The following OTOGL variants were observed in gnomAD, a reference collection of about 807,000 sequenced individuals.
OTOGL encodes otogelin-like protein.
In OTOGL, 285 loss-of-function variants were observed where a neutral mutation model predicts 318.5. The observed-to-expected ratio is 0.89, with a 90% CI of 0.81 to 0.99. The LOEUF is 0.99. Among genes scored for constraint, OTOGL ranks in the 50% least tolerant of loss-of-function variants. OTOGL has a pLI of 0.00. For missense variants in OTOGL, 2,899 were observed against 2,845.6 expected, an observed-to-expected ratio of 1.02 and a Z score of -0.43; for synonymous variants, 987 against 936.5, an observed-to-expected ratio of 1.05 and a Z score of -0.99.
intron 1 of OTOGL, among the ~76,000 whole-genome samples, chr12:80,171,107 T>A (rs1049088166): frequency 1.3e-5 from 2 of 151,904 alleles, no homozygotes; most frequent in Admixed American, 1.3e-4. Flanking sequence ...CAGAATCTCA[T>A]CCTGTTGCCC....
chr12:80,327,958 CAAAAAA>C (rs397687373), intron 35 of OTOGL, among the ~76,000 whole-genome samples: 3 of 30,924 alleles, frequency 9.7e-5, no homozygotes, highest in African/African-American at 1.9e-4. Flanking sequence ...GACTCTGTCT[CAAAAAA>C]AAAAAAAAAA....
rs751114922 is a variant in OTOGL at position 80,339,242 on chromosome 12, A to G, written c.5028A>G (p.Ser1676=). Residue 1676 remains serine, a synonymous_variant, in exon 43 of 59, where the codon TCA becomes TCG. Transcript: ENST00000547103. ...DIHFGFRFNL[S]SYTEGLCGIC... ...ATTTTGGCTTCCGATTTAACTTGTC[A>G]TCCTACACAGAAGGACTCTGTGGTG... 5.6e-6 allele frequency: 9 copies of G among 1,603,134 alleles called. No individual in the cohort carries two copies. Among genetic ancestry groups the G allele is most frequent in the South Asian group, 3.3e-5 (3 of 90,802 alleles).
intron 6 of OTOGL, among the ~76,000 whole-genome samples, chr12:80,221,268 CT>C (rs5799457): frequency 1.5e-3 from 211 of 136,992 alleles, no homozygotes; most frequent in Admixed American, 1.8e-3. Flanking sequence ...TCCAGCATAC[CT>C]TTTTTTTTTT....
At chr12:80,294,103 T>C (rs1157985609) in intron 26 of OTOGL, among the ~76,000 whole-genome samples, 1 of 152,154 alleles carries the variant, frequency 6.6e-6, no homozygotes, top group East Asian at 1.9e-4. Flanking sequence ...TTGACCTTTT[T>C]CCTCCAGCTT....
At chr12:80,248,371 A>T in intron 11 of OTOGL, among the ~76,000 whole-genome samples, 1 of 136,918 alleles carries the variant, frequency 7.3e-6, no homozygotes, top group African/African-American at 3.0e-5. Context: ...TGGTGACAAA[A>T]TCTCTCAGCA....
At chr12:80,315,127 G>T (rs747770411) in intron 32 of OTOGL, among the ~76,000 whole-genome samples, 14 of 152,184 alleles carry the variant, frequency 9.2e-5, no homozygotes, top group Admixed American at 5.2e-4. Context: ...CAAAGTTTCA[G>T]CTAGGTAGGA....
Position 80,342,173 on chromosome 12 carries a change from A to G in OTOGL, c.5265+11A>G, listed in dbSNP as rs546770363. 3.9e-6 allele frequency: 6 copies of G among 1,528,248 alleles called. No individual in the cohort carries two copies. Among genetic ancestry groups the G allele is most frequent in the East Asian group, 2.4e-5 (1 of 42,222 alleles). The allele number at this position is 1,528,248 out of a possible 1,614,324, so 94.7% of individuals were successfully genotyped here. A position where few individuals can be genotyped will look rare whatever the true frequency, so the allele number is the denominator to read the frequency against. On this transcript the variant is annotated intron_variant, in intron 44 of 58. Coordinates refer to ENST00000547103, the MANE Select transcript of OTOGL (RefSeq NM_001378609.3). ...CCATGTCATGATAAAGTAAGTTGGAAGCAACCATAAATAATACTTTCATGT... is the reference window on the plus strand; with the variant it reads ...CCATGTCATGATAAAGTAAGTTGGAGGCAACCATAAATAATACTTTCATGT...
chr12:80,231,393 T>C (rs1368959458), intron 8 of OTOGL, among the ~76,000 whole-genome samples: 1 of 152,132 alleles, frequency 6.6e-6, no homozygotes, highest in African/African-American at 2.4e-5. Flanking sequence ...TAAGTATCTG[T>C]AAAAAATTTT....
chr12:80,253,629 T>G lies in OTOGL; in HGVS notation c.1394+55T>G. The G allele has an allele frequency of 2.2e-6, 3 of 1,372,394 alleles. No individual in the cohort carries two copies. In the South Asian group the frequency reaches 3.6e-5, roughly 16 times the overall value. 85.0% of individuals were successfully genotyped at this position (1,372,394 alleles called of 1,614,324 possible). The stretch of plus-strand genomic sequence containing the variant: ...CTGGGTACTTGGCTAGTTGACAACT[T>G]TACCATGACAGATGTTTAAAGGAAT... On this transcript the variant is annotated intron_variant, in intron 14 of 58. Transcript: ENST00000547103.
chr12:80,194,624 T>C (rs534052278), intron 1 of OTOGL, among the ~76,000 whole-genome samples: 2 of 152,342 alleles, frequency 1.3e-5, no homozygotes, highest in South Asian at 2.1e-4. Flanking sequence ...TAATAAACAT[T>C]TGTTGACTAA....
chr12:80,331,429 C>T (rs1172479957), intron 37 of OTOGL, among the ~76,000 whole-genome samples: 1 of 138,442 alleles, frequency 7.2e-6, no homozygotes, highest in Non-Finnish European at 1.5e-5. Flanking sequence ...CAACCTCCAA[C>T]TCCCAAGTTC....
chr12:80,356,770 G>A, intron 48 of OTOGL, 37 bp from the exon 49 acceptor site: 3 of 1,291,330 alleles, frequency 2.3e-6, no homozygotes, highest in South Asian at 1.4e-5. Context: ...TTTTTATTAT[G>A]CTATACAAAT....
chr12:80,336,657 A>C, intron 40 of OTOGL, 102 bp downstream of exon 40: 1 of 1,439,542 alleles, frequency 6.9e-7, no homozygotes, highest in South Asian at 1.3e-5. Flanking sequence ...TCAAGAACTC[A>C]CTGAGATCGG....
In OTOGL at chr12:80,103,467, T is replaced by C. The variant is rs866096371; in HGVS notation, c.-20+3862T>C. On this transcript the variant is annotated intron_variant, in intron 1 of 58. Coordinates refer to ENST00000547103, the MANE Select transcript of OTOGL (RefSeq NM_001378609.3). ...TCCCTTCTCTTCCCATAGTTAATTC[T>C]TATGAATTCTTCAACAGTCAGCTCA... 4 of 591,034 alleles carry C rather than the reference T, an allele frequency of 6.8e-6. 1 individual carries two copies. Among genetic ancestry groups the C allele is most frequent in the South Asian group, 2.2e-5 (1 of 46,158 alleles). The allele number at this position is 591,034 out of a possible 1,614,324, so 36.6% of individuals were successfully genotyped here. A position where few individuals can be genotyped will look rare whatever the true frequency, so the allele number is the denominator to read the frequency against.
intron 3 of OTOGL, among the ~76,000 whole-genome samples, chr12:80,211,692 C>T (rs936623738): frequency 6.6e-6 from 1 of 152,130 alleles, no homozygotes; most frequent in African/African-American, 2.4e-5. Flanking sequence ...CTCAAAGTTC[C>T]TTCCTAATAT....
At chr12:80,252,865 A>G (rs1408490341) in intron 13 of OTOGL, among the ~76,000 whole-genome samples, 1 of 152,176 alleles carries the variant, frequency 6.6e-6, no homozygotes, top group Non-Finnish European at 1.5e-5. Flanking sequence ...TGACCTGTCA[A>G]TGACAAGATA....
intron 21 of OTOGL, 75 bp downstream of exon 21, chr12:80,266,691 G>T: frequency 1.2e-5 from 17 of 1,364,228 alleles, no homozygotes; most frequent in South Asian, 3.0e-5. Flanking sequence ...GAGCTTTCAT[G>T]GAAGTTTTTG....
At chr12:80,230,039 A>G (rs1428577371) in intron 8 of OTOGL, among the ~76,000 whole-genome samples, 1 of 151,800 alleles carries the variant, frequency 6.6e-6, no homozygotes, top group Admixed American at 6.6e-5. Context: ...GGAATAATCT[A>G]CCTTCCAATC....
chr12:80,259,413 G>T (rs1052407564), intron 18 of OTOGL, among the ~76,000 whole-genome samples: 12 of 151,786 alleles, frequency 7.9e-5, no homozygotes, highest in Admixed American at 7.9e-4. Flanking sequence ...TATGCTGAAT[G>T]TGCAGGTTTG....
Sources: allele counts gnomAD v4.1 joint callset (sites outside exome capture counted in the v4.1 genomes callset), GRCh38; gene constraint gnomAD v4.1.1; transcripts MANE v1.5; gene names NCBI Gene and HGNC (gene_info 2026-07-23, HGNC 2026-07-21).